The following C6orf62 variants were observed in gnomAD, a reference collection of about 807,000 sequenced individuals.
C6orf62 encodes chromosome 6 open reading frame 62, also known as uncharacterized protein C6orf62.
Under a neutral mutation model 26.8 loss-of-function variants are expected in C6orf62, and 16 were observed. That is an observed-to-expected ratio of 0.60 (90% confidence interval 0.40 to 0.91). The LOEUF (loss-of-function observed/expected upper bound fraction) is 0.91. Among genes scored for constraint, C6orf62 ranks in the 40% least tolerant of loss-of-function variants. The pLI, the probability that C6orf62 is intolerant of heterozygous loss-of-function variation, is 0.00. For missense variants in C6orf62, 192 were observed against 271.4 expected (o/e 0.71, Z 2.06); for synonymous variants, 112 against 91.5 (o/e 1.22, Z -1.28).
chr6:24,719,862 G>A (rs980802511), upstream of C6orf62: 2 of 1,515,950 alleles, frequency 1.3e-6, no homozygotes, highest in Non-Finnish European at 1.8e-6. Flanking sequence ...CGACTCACTC[G>A]CACCACGGGA....
At chr6:24,707,090 CTGACTT>C (rs1470497410) in intron 4 of C6orf62, 3 of 152,180 alleles carry the variant, frequency 2.0e-5, no homozygotes, top group African/African-American at 7.2e-5. Flanking sequence ...AATAAGGACT[CTGACTT>C]TGAAGATGTC....
upstream of C6orf62, chr6:24,719,199 C>A (rs942192638): frequency 2.9e-5 from 29 of 984,746 alleles, no homozygotes; most frequent in Non-Finnish European, 3.3e-5. Flanking sequence ...AAACCAAAAC[C>A]AAACACCAAA....
At position 24,716,136 on chromosome 6, in the gene C6orf62, G is replaced by A. The variant is rs775395427; in HGVS notation, c.306+12C>T. On this transcript the variant is annotated intron_variant, in intron 2 of 4. Coordinates refer to ENST00000378119, the MANE Select transcript of C6orf62 (RefSeq NM_030939.5). ...GAAACTTTATCAAGTCAAGACTTAA[G>A]GCAGAACTTACCCTTCTCATAGACT... The A allele has an allele frequency of 2.4e-5, 39 of 1,610,272 alleles. No individual in the cohort carries two copies. Among genetic ancestry groups the A allele is most frequent in the Admixed American group, 6.7e-5 (4 of 59,698 alleles).
intron 4 of C6orf62, among the ~76,000 whole-genome samples, chr6:24,708,059 A>G (rs1465583215): frequency 6.7e-6 from 1 of 149,970 alleles, no homozygotes; most frequent in South Asian, 2.1e-4. Flanking sequence ...GTGTGTTTCA[A>G]ATCACCTGAG....
At chr6:24,719,834 C>T, upstream of C6orf62, 1 of 1,549,742 alleles carries the variant, frequency 6.5e-7, no homozygotes, top group East Asian at 2.4e-5. Context: ...CACCCCCACC[C>T]CTTGCCTTCA....
rs562976400 is a variant in C6orf62 at position 24,716,728 on chromosome 6, C to CT, written c.130-405dup. 3.7e-3 allele frequency among the ~76,000 whole-genome samples: 534 copies of CT among 145,450 alleles called. 2 individuals are homozygous for CT. Among genetic ancestry groups the CT allele is most frequent in the Admixed American group, 6.6e-3 (95 of 14,480 alleles). On this transcript the variant is annotated intron_variant, in intron 1 of 4. Coordinates refer to ENST00000378119, the MANE Select transcript of C6orf62 (RefSeq NM_030939.5). The stretch of plus-strand genomic sequence containing the variant: ...AAAACCATCAATATTTCTGGTTTTT[C>CT]TTTTTTTTTTTTGAGATGGAGTCTC...
At chr6:24,710,892 TG>T (rs545113424) in intron 3 of C6orf62, among the ~76,000 whole-genome samples, 1 of 152,112 alleles carries the variant, frequency 6.6e-6, no homozygotes, top group South Asian at 2.1e-4. Flanking sequence ...CTCATGAGGT[TG>T]AGGTGGGAGG....
At chr6:24,712,734 T>G (rs1328489091) in intron 3 of C6orf62, among the ~76,000 whole-genome samples, 1 of 146,344 alleles carries the variant, frequency 6.8e-6, no homozygotes, top group Non-Finnish European at 1.5e-5. Flanking sequence ...CAGTCAACTC[T>G]CAATAAACAT....
At chr6:24,717,586 G>C (rs764593206) in intron 1 of C6orf62, among the ~76,000 whole-genome samples, 2 of 152,168 alleles carry the variant, frequency 1.3e-5, no homozygotes, top group Non-Finnish European at 2.9e-5. Context: ...TTTAGCCCAG[G>C]AGTTCAAGAC....
At chr6:24,719,879 G>A (rs1381297258), upstream of C6orf62, 1 of 1,527,112 alleles carries the variant, frequency 6.5e-7, no homozygotes, top group Non-Finnish European at 8.8e-7. Context: ...GGGAGACACA[G>A]GATCACTCAG....
chr6:24,713,564 C>T (rs1052247849), intron 3 of C6orf62, among the ~76,000 whole-genome samples: 1 of 151,970 alleles, frequency 6.6e-6, no homozygotes, highest in Non-Finnish European at 1.5e-5. Context: ...AAAATGAGTC[C>T]TTAATATCAT....
At chr6:24,719,424 G>A (rs1352459719), upstream of C6orf62, 3 of 1,072,580 alleles carry the variant, frequency 2.8e-6, no homozygotes, top group Non-Finnish European at 3.4e-6. Context: ...ATCAACTACA[G>A]TGTATACCGG....
chr6:24,719,746 C>A, upstream of C6orf62: 1 of 1,539,342 alleles, frequency 6.5e-7, no homozygotes, highest in South Asian at 1.2e-5. Context: ...TGAGCATTGC[C>A]GAGGCAAAGG....
At chr6:24,716,456 C>T (rs1486824234) in intron 1 of C6orf62, 132 bp from the exon 2 acceptor site, 1 of 632,846 alleles carries the variant, frequency 1.6e-6, no homozygotes, top group Non-Finnish European at 2.8e-6. Context: ...ACACTGAAAA[C>T]ACATTTTCAG....
Position 24,705,297 on chromosome 6 carries a change from CTCT to C in C6orf62, c.*837_*839del, listed in dbSNP as rs1046562222. 4.6e-5 allele frequency: 7 copies of C among 152,426 alleles called. No homozygotes were observed. Among genetic ancestry groups the C allele is most frequent in the African/African-American group, 1.7e-4 (7 of 41,354 alleles). 9.4% of individuals were successfully genotyped at this position (152,426 alleles called of 1,614,324 possible). On this transcript the variant is annotated 3_prime_UTR_variant, in exon 5 of 5. Coordinates refer to ENST00000378119, the MANE Select transcript of C6orf62 (RefSeq NM_030939.5). ...GAATTTTTTTCTTTGTAATAAAAAT[CTCT>C]TCTCTGTAAAACCAAAAACAAAACA...
intron 4 of C6orf62, among the ~76,000 whole-genome samples, chr6:24,707,943 G>A (rs370920158): frequency 2.0e-5 from 3 of 151,960 alleles, no homozygotes; most frequent in East Asian, 3.9e-4. Context: ...CCCGGAAGGT[G>A]GAGCTTGCAG....
At chr6:24,720,059 C>G (rs1779324179), upstream of C6orf62, 1 of 1,226,076 alleles carries the variant, frequency 8.2e-7, no homozygotes, top group Non-Finnish European at 1.0e-6. Flanking sequence ...GATTAGCTCT[C>G]TCTCACGTTG....
chr6:24,707,359 G>A (rs1033952379), intron 4 of C6orf62, among the ~76,000 whole-genome samples: 4 of 151,278 alleles, frequency 2.6e-5, no homozygotes, highest in South Asian at 4.2e-4. Flanking sequence ...TGTTGTTGGC[G>A]GTGTTTTTTT....
At chr6:24,720,374 T>C, upstream of C6orf62, 3 of 1,205,604 alleles carry the variant, frequency 2.5e-6, no homozygotes, top group South Asian at 3.4e-5. Flanking sequence ...CCATCCCCGC[T>C]GCAGTGCGCA....
Sources: allele counts gnomAD v4.1 joint callset (sites outside exome capture counted in the v4.1 genomes callset), GRCh38; gene constraint gnomAD v4.1.1; transcripts MANE v1.5; gene names NCBI Gene and HGNC (gene_info 2026-07-23, HGNC 2026-07-21).